The following LPA variants were observed in gnomAD, a reference collection of about 807,000 sequenced individuals.
LPA encodes the protein lipoprotein(a), also known as apolipoprotein(a).
LPA carries 199 observed loss-of-function variants against 197.9 expected under a neutral mutation model. The observed-to-expected ratio is 1.01, with a 90% CI of 0.90 to 1.13. LPA has a LOEUF of 1.13. Ranked by LOEUF, LPA falls within the 50% of genes most tolerant of loss-of-function variation. The pLI, the probability that LPA is intolerant of heterozygous loss-of-function variation, is 0.00. For synonymous variants in LPA, 715 were observed against 639.5 expected (o/e 1.12, Z -1.78); for missense variants, 1,853 against 1,785.8 (o/e 1.04, Z -0.68).
At chr6:160,574,552 A>G (rs748926398) in intron 28 of LPA, among the ~76,000 whole-genome samples, 9 of 151,974 alleles carry the variant, frequency 5.9e-5, no homozygotes, top group Admixed American at 1.3e-4. Context: ...CTGCTTGGGG[A>G]TCCAGCAAGC....
At chr6:160,603,233 GGTGTGT>G (rs72482597) in intron 18 of LPA, among the ~76,000 whole-genome samples, 20 of 144,864 alleles carry the variant, frequency 1.4e-4, no homozygotes, top group African/African-American at 3.0e-4. Flanking sequence ...TATTTGTGGA[GGTGTGT>G]GTGTGTGTGT....
At chr6:160,553,919 TTC>T (rs969332451) in intron 30 of LPA, among the ~76,000 whole-genome samples, 140 of 111,252 alleles carry the variant, frequency 1.3e-3, no homozygotes, top group African/African-American at 3.0e-3. Context: ...CTCTCTCTCT[TTC>T]TCTCTCTCTC....
At chr6:160,574,384 A>G (rs747661268) in intron 28 of LPA, among the ~76,000 whole-genome samples, 5 of 152,188 alleles carry the variant, frequency 3.3e-5, no homozygotes, top group Admixed American at 2.0e-4. Flanking sequence ...AAGTCTGCAA[A>G]CCAGATTCAT....
intron 28 of LPA, among the ~76,000 whole-genome samples, chr6:160,559,720 G>C (rs979187183): frequency 2.0e-5 from 3 of 152,152 alleles, no homozygotes; most frequent in African/African-American, 7.2e-5. Context: ...GTTTATGTGA[G>C]TCCTTATGTC....
chr6:160,635,014 C>G, intron 7 of LPA, 109 bp downstream of exon 7: 3 of 1,507,276 alleles, frequency 2.0e-6, no homozygotes, highest in Admixed American at 1.7e-5. Context: ...AGAACTCCGG[C>G]AACACTCGAG....
In LPA at chr6:160,542,822, T is replaced by C. The variant is rs753371576; in HGVS notation, c.5399-14A>G. 5 of 1,613,850 alleles carry C rather than the reference T, an allele frequency of 3.1e-6. No individual in the cohort carries two copies. In the South Asian group the frequency reaches 5.5e-5, roughly 18 times the overall value. ...ATGAAGAGGATGCTGTGGCACAAGGTGGGAAAAGAAGTCGCATTTGAGTCC... is the reference window on the plus strand; with the variant it reads ...ATGAAGAGGATGCTGTGGCACAAGGCGGGAAAAGAAGTCGCATTTGAGTCC... On this transcript the variant is annotated splice_polypyrimidine_tract_variant and intron_variant, in intron 33 of 38. Coordinates refer to ENST00000316300, the MANE Select transcript of LPA (RefSeq NM_005577.4).
At chr6:160,591,830 TA>T (rs1356205383) in intron 22 of LPA, among the ~76,000 whole-genome samples, 1 of 152,238 alleles carries the variant, frequency 6.6e-6, no homozygotes, top group African/African-American at 2.4e-5. Flanking sequence ...TGGTTTGGAC[TA>T]TTTCCATCCA....
chr6:160,566,117 A>T (rs1778449853), intron 28 of LPA, among the ~76,000 whole-genome samples: 1 of 152,212 alleles, frequency 6.6e-6, no homozygotes, highest in Non-Finnish European at 1.5e-5. Context: ...TCAGGATATT[A>T]TCCAGGAGAA....
At chr6:160,634,058 C>G (rs1204219522) in intron 7 of LPA, 146 bp from the exon 8 acceptor site, 1 of 1,076,452 alleles carries the variant, frequency 9.3e-7, no homozygotes, top group South Asian at 1.3e-5. Flanking sequence ...GGGAGAAAAC[C>G]AACCAAAAAA....
At chr6:160,659,723 A>G (rs1780190517) in intron 1 of LPA, among the ~76,000 whole-genome samples, 1 of 152,206 alleles carries the variant, frequency 6.6e-6, no homozygotes, top group Non-Finnish European at 1.5e-5. Flanking sequence ...AGGCAGGGCC[A>G]GGGTGGCTGT....
chr6:160,647,060 A>T (rs1392912865), intron 2 of LPA, among the ~76,000 whole-genome samples: 1 of 152,068 alleles, frequency 6.6e-6, no homozygotes, highest in Admixed American at 6.6e-5. Flanking sequence ...GCCCTGGAAA[A>T]CTTGCTCCCA....
chr6:160,540,483 A>C (rs986662788), intron 35 of LPA, among the ~76,000 whole-genome samples: 1 of 152,208 alleles, frequency 6.6e-6, no homozygotes, highest in Non-Finnish European at 1.5e-5. Flanking sequence ...ATAGAGGTGC[A>C]TCCCTCTTGA....
intron 34 of LPA, among the ~76,000 whole-genome samples, chr6:160,541,643 A>G (rs955572509): frequency 6.6e-6 from 1 of 152,182 alleles, no homozygotes; most frequent in African/African-American, 2.4e-5. Flanking sequence ...TGAAAAGTTT[A>G]CTTTTGGGGG....
At chr6:160,565,521 T>C (rs1027239460) in intron 28 of LPA, among the ~76,000 whole-genome samples, 2 of 152,122 alleles carry the variant, frequency 1.3e-5, no homozygotes, top group Non-Finnish European at 2.9e-5. Context: ...ACCCCATCTG[T>C]ACATCACCAT....
chr6:160,605,856 C>CTAT (rs1779338250), intron 17 of LPA, among the ~76,000 whole-genome samples: 1 of 152,194 alleles, frequency 6.6e-6, no homozygotes, highest in South Asian at 2.1e-4. Flanking sequence ...AAGTCTCCGA[C>CTAT]TCTTTCTATC....
Position 160,591,070 on chromosome 6 carries a change from C to G in LPA, c.3661G>C (p.Asp1221His). Residue 1221 changes from aspartate to histidine, a missense_variant, in exon 23 of 39, where the codon GAT (aspartate) becomes CAT (histidine). Coordinates refer to ENST00000316300, the MANE Select transcript of LPA (RefSeq NM_005577.4). ...TAACACCAAGGACTAATCTCAGCATCTGGATTCCTGCAGTAGTTCCTGGTC... is the reference window on the plus strand; with the variant it reads ...TAACACCAAGGACTAATCTCAGCATGTGGATTCCTGCAGTAGTTCCTGGTC... The part of the protein sequence containing the change: ...GLTRNYCRNP[D>H]AEISPWCYTM... 6.2e-7 allele frequency: 1 copy of G among 1,613,894 alleles called. No homozygotes were observed. Among genetic ancestry groups the G allele is most frequent in the East Asian group, 2.2e-5 (1 of 44,830 alleles).
intron 30 of LPA, among the ~76,000 whole-genome samples, chr6:160,553,937 C>CTGTGTGTGTGTGTGTGTG (rs59853609): frequency 0.047 from 6,575 of 138,940 alleles, 236 homozygotes; most frequent in East Asian, 0.14. Flanking sequence ...CTCTCTCTCT[C>CTGTGTGTGTGTGTGTGTG]TGTGTGTGTG....
rs769952378 is a variant in LPA, at chr6:160,600,944, G to C, written c.3100C>G (p.Pro1034Ala). 7 of 1,612,928 alleles carry C rather than the reference G, an allele frequency of 4.3e-6. No homozygotes were observed. Among genetic ancestry groups the C allele is most frequent in the Non-Finnish European group, 5.9e-6 (7 of 1,179,962 alleles). Residue 1034 changes from proline (P) to alanine (A), a missense_variant, in exon 19 of 39, where the codon CCA (proline) becomes GCA (alanine). Transcript: ENST00000316300. ...AFVPPNVILA[P>A]SLEAFFEQAL... is the part of the protein sequence containing the mutation. ...TGTTCAAAAAAAGCCTCTAGGCTTG[G>C]AGCCAGAATAACATTCGGAGGGACG...
chr6:160,603,733 C>A (rs1583613687), intron 18 of LPA, among the ~76,000 whole-genome samples: 2 of 152,186 alleles, frequency 1.3e-5, no homozygotes, highest in East Asian at 3.9e-4. Flanking sequence ...TTGTTGTTTA[C>A]CTCTAAAGAG....
Sources: gnomAD v4.1 joint callset for allele counts (sites outside exome capture counted in the v4.1 genomes callset) on GRCh38, gnomAD v4.1.1 for gene constraint, MANE v1.5 for transcripts, NCBI Gene and HGNC (gene_info 2026-07-23, HGNC 2026-07-21) for gene names.